The following POU2F2 variants were observed in gnomAD, a reference collection of about 807,000 sequenced individuals.
The protein encoded by POU2F2 is POU class 2 homeobox 2.
In POU2F2, 14 loss-of-function variants were observed where a neutral mutation model predicts 63.5. That is an observed-to-expected ratio of 0.22 (90% CI 0.15 to 0.34). The LOEUF is 0.34. Among genes scored for constraint, POU2F2 ranks in the 10% least tolerant of loss-of-function variants. The pLI, the probability that POU2F2 is intolerant of heterozygous loss-of-function variation, is 1.00. For synonymous variants in POU2F2, 306 were observed against 348.6 expected, an observed-to-expected ratio of 0.88 and a Z score of 1.36; for missense variants, 607 against 815.2, an observed-to-expected ratio of 0.74 and a Z score of 3.11.
intron 1 of POU2F2, among the ~76,000 whole-genome samples, chr19:42,191,271 C>T (rs1211195751): frequency 6.6e-6 from 1 of 152,248 alleles, no homozygotes; most frequent in East Asian, 1.9e-4. Flanking sequence ...CATCAGAGAA[C>T]AGAAAAAGAA....
intron 1 of POU2F2, 85 bp from the exon 2 acceptor site, chr19:42,122,661 G>GC: frequency 7.9e-7 from 1 of 1,270,896 alleles, no homozygotes; most frequent in Non-Finnish European, 1.1e-6. Flanking sequence ...CACTCCCCAA[G>GC]CCTTTCCCCC....
At position 42,088,618 on chromosome 19, in the gene POU2F2, T is replaced by G. The variant is rs2076621749; in HGVS notation, c.*2639A>C. 6.6e-6 allele frequency: 1 copy of G among 152,524 alleles called. No individual in the cohort carries two copies. Among genetic ancestry groups the G allele is most frequent in the African/African-American group, 2.4e-5 (1 of 41,386 alleles). 9.4% of individuals were successfully genotyped at this position (152,524 alleles called of 1,614,324 possible). A position where few individuals can be genotyped will look rare whatever the true frequency, so the allele number is the denominator to read the frequency against. On this transcript the variant is annotated 3_prime_UTR_variant, in exon 15 of 15. Transcript: ENST00000692977. ...GGTTTTTGGTTGTAATTCCTTTCATTTTGCTCTGCTCAAATGTCCTTCCTA... is the reference window on the plus strand; with the variant it reads ...GGTTTTTGGTTGTAATTCCTTTCATGTTGCTCTGCTCAAATGTCCTTCCTA...
chr19:42,126,341 G>A (rs2033195868), intron 1 of POU2F2, among the ~76,000 whole-genome samples: 1 of 151,986 alleles, frequency 6.6e-6, no homozygotes, highest in Non-Finnish European at 1.5e-5. Context: ...TACTCAGGAG[G>A]CTGAGGTAGG....
At position 42,095,732 on chromosome 19, in the gene POU2F2, CCCGCGGCCAGCGGCCACTG is replaced by C; in HGVS notation, c.871+37_872-40del. 6.2e-7 allele frequency: 1 copy of C among 1,612,472 alleles called. No homozygotes were observed. The highest frequency in any genetic ancestry group is 8.5e-7 in the Non-Finnish European group (1 of 1,179,840). ...GAGACGTGAGCATGAGAAGGGGCCT[CCCGCGGCCAGCGGCCACTG>C]CCCGCCCCCTACGCGGGAACCCCAG... On this transcript the variant is annotated intron_variant, in intron 9 of 14. Coordinates refer to ENST00000692977, the MANE Select transcript of POU2F2 (RefSeq NM_001394376.1). This position sits in a 1 kb window ranked among gnomAD's most constrained non-coding sequence, Gnocchi z 7.1.
chr19:42,099,496 C>T (rs1478146715), intron 7 of POU2F2, 31 bp downstream of exon 7: 1 of 1,559,038 alleles, frequency 6.4e-7, no homozygotes, highest in Non-Finnish European at 8.9e-7. Context: ...TGCTGCTGGC[C>T]TGGCCTGGTG....
At chr19:42,197,475 G>A (rs1024833856), upstream of POU2F2, among the ~76,000 whole-genome samples, 2 of 152,118 alleles carry the variant, frequency 1.3e-5, no homozygotes, top group Non-Finnish European at 2.9e-5. Context: ...AAGACGGGTC[G>A]AAATTCCAGA....
intron 7 of POU2F2, among the ~76,000 whole-genome samples, chr19:42,097,006 A>G (rs2076945183): frequency 1.4e-5 from 2 of 145,762 alleles, no homozygotes; most frequent in South Asian, 4.4e-4. Context: ...AAAAGTTAAG[A>G]AAAAAAAAAA....
intron 1 of POU2F2, among the ~76,000 whole-genome samples, chr19:42,186,331 T>C (rs1035540302): frequency 1.3e-5 from 2 of 151,636 alleles, no homozygotes; most frequent in Non-Finnish European, 2.9e-5. Flanking sequence ...CGAGACTCCA[T>C]CTCAAACAAA....
intron 1 of POU2F2, among the ~76,000 whole-genome samples, chr19:42,187,890 C>T (rs55757841): frequency 1.3e-5 from 2 of 152,002 alleles, no homozygotes; most frequent in Non-Finnish European, 2.9e-5. Flanking sequence ...TAGGCCACCC[C>T]TAAGAGGTCC....
At chr19:42,114,007 G>A (rs2031505849) in intron 5 of POU2F2, among the ~76,000 whole-genome samples, 1 of 152,174 alleles carries the variant, frequency 6.6e-6, no homozygotes, top group Admixed American at 6.5e-5. Context: ...AAACAAACTT[G>A]GCCCAGCTTT....
At chr19:42,116,646 C>A in intron 5 of POU2F2, 1 of 281,980 alleles carries the variant, frequency 3.5e-6, no homozygotes, top group Non-Finnish European at 7.0e-6. Context: ...CCCCTTCCCA[C>A]ACACTCACTG....
intron 1 of POU2F2, among the ~76,000 whole-genome samples, chr19:42,174,210 G>A (rs1052696474): frequency 6.6e-6 from 1 of 152,108 alleles, no homozygotes; most frequent in Non-Finnish European, 1.5e-5. Flanking sequence ...GACACGCAGA[G>A]ACCCCGAGCA....
intron 1 of POU2F2, among the ~76,000 whole-genome samples, chr19:42,167,649 T>C (rs139004941): frequency 3.9e-5 from 6 of 152,138 alleles, no homozygotes; most frequent in Non-Finnish European, 5.9e-5. Context: ...GGAGTAAAAG[T>C]TGAATAGACA....
Position 42,091,093 on chromosome 19 carries a change from CCTTT to C in POU2F2, c.*160_*163del, listed in dbSNP as rs1193375873. On this transcript the variant is annotated 3_prime_UTR_variant, in exon 15 of 15. Coordinates refer to ENST00000692977, the MANE Select transcript of POU2F2 (RefSeq NM_001394376.1). ...TTCTCTTTTGTTGGTTAGTTTCTTT[CCTTT>C]TTTTTTTTTTTTTTGGTTGGTTGTT... is the stretch of plus-strand genomic sequence containing the variant. 1.8e-6 allele frequency: 1 copy of C among 541,814 alleles called. No homozygotes were observed. Among genetic ancestry groups the C allele is most frequent in the Non-Finnish European group, 2.8e-6 (1 of 351,166 alleles). 33.6% of individuals were successfully genotyped at this position (541,814 alleles called of 1,614,324 possible).
rs1472661760 is a variant in POU2F2 at position 42,156,054 on chromosome 19, TTC to T, written c.-9+4276_-9+4277del. On this transcript the variant is annotated intron_variant, in intron 2 of 6. Coordinates refer to the POU2F2 transcript ENST00000524801. The surrounding 1 kb of genome is among the most constrained non-coding windows in gnomAD (Gnocchi z 4.1). ...ACACCCAGGGCCGTTCTCTGAGGCCTTCTCTCTGCCTACCAGCCCTCACCAGT... is the reference window on the plus strand; with the variant it reads ...ACACCCAGGGCCGTTCTCTGAGGCCTTCTCTGCCTACCAGCCCTCACCAGT... 1 of 152,164 alleles carries T rather than the reference TTC, an allele frequency of 6.6e-6. No individual in the cohort carries two copies. The highest frequency in any genetic ancestry group is 1.5e-5 in the Non-Finnish European group (1 of 68,040). The allele number at this position is 152,164 out of a possible 1,614,324, so 9.4% of individuals were successfully genotyped here. A position where few individuals can be genotyped will look rare whatever the true frequency, so the allele number is the denominator to read the frequency against.
chr19:42,163,310 AGAG>A (rs1447436850), intron 1 of POU2F2, among the ~76,000 whole-genome samples: 1 of 151,948 alleles, frequency 6.6e-6, no homozygotes, highest in Non-Finnish European at 1.5e-5. Flanking sequence ...GTGTGTGGGC[AGAG>A]GAGGAGGCCC....
chr19:42,153,868 G>A lies in POU2F2; in HGVS notation c.-9+6464C>T, dbSNP rs557156091. 2.6e-5 allele frequency among the ~76,000 whole-genome samples: 4 copies of A among 152,190 alleles called. No individual in the cohort carries two copies. The highest frequency in any genetic ancestry group is 2.1e-4 in the South Asian group (1 of 4,820). ...GCTGCCACGGAGACACTGGCTAGCC[G>A]GTTTTATCACTACATCATCTCCAAA... is the stretch of plus-strand genomic sequence containing the variant. On this transcript the variant is annotated intron_variant, in intron 2 of 6. Transcript: ENST00000524801. The surrounding 1 kb of genome is among the most constrained non-coding windows in gnomAD (Gnocchi z 5.6).
rs1326108619 is a variant in POU2F2 at position 42,087,155 on chromosome 19, AAT to A, written c.*4100_*4101del. ...GTCTGTGGGTTTTTTTTTTTTTTTAAATGGTTAAATCTTTGGTTTGTTTCTTT... is the reference window on the plus strand; with the variant it reads ...GTCTGTGGGTTTTTTTTTTTTTTTAAGGTTAAATCTTTGGTTTGTTTCTTT... On this transcript the variant is annotated 3_prime_UTR_variant, in exon 15 of 15. Transcript: ENST00000692977. 6.9e-6 allele frequency: 1 copy of A among 144,808 alleles called. No individual in the cohort carries two copies. Among genetic ancestry groups the A allele is most frequent in the Non-Finnish European group, 1.5e-5 (1 of 66,424 alleles). The allele number at this position is 144,808 out of a possible 1,614,324, so 9.0% of individuals were successfully genotyped here.
chr19:42,108,567 C>G (rs1392504275), intron 5 of POU2F2, among the ~76,000 whole-genome samples: 1 of 151,944 alleles, frequency 6.6e-6, no homozygotes, highest in Non-Finnish European at 1.5e-5. Flanking sequence ...ACAGAGAGAC[C>G]CTGTCTCAAA....
Sources: allele counts gnomAD v4.1 joint callset (sites outside exome capture counted in the v4.1 genomes callset), GRCh38; gene constraint gnomAD v4.1.1; non-coding constraint Gnocchi (gnomAD v3.1); transcripts MANE v1.5; gene names NCBI Gene and HGNC (gene_info 2026-07-23, HGNC 2026-07-21).